Variants in RYR1 observed in about 807,000 individuals in gnomAD.
RYR1 encodes ryanodine receptor 1.
In RYR1, 342 loss-of-function variants were observed where a neutral mutation model predicts 583.5. The observed-to-expected ratio is 0.59, with a 90% CI of 0.54 to 0.64. The LOEUF (loss-of-function observed/expected upper bound fraction) is 0.64. Among genes scored for constraint, RYR1 ranks in the 30% least tolerant of loss-of-function variants. The probability of loss-of-function intolerance (pLI) is 0.00; values close to 1 mark genes in which losing one functional copy is unlikely to be tolerated. For missense variants in RYR1, 6,032 were observed against 6,917.2 expected (o/e 0.87, Z 4.54); for synonymous variants, 2,791 against 2,822.5 (o/e 0.99, Z 0.35).
intron 57 of RYR1, 88 bp from the exon 58 acceptor site, chr19:38,507,624 G>A (rs1970531734): frequency 5.8e-6 from 5 of 864,004 alleles, no homozygotes; most frequent in Non-Finnish European, 8.0e-6. Context: ...TAGAGACGGG[G>A]CCAGCAGGAG....
chr19:38,578,030 CG>C lies in RYR1; in HGVS notation c.14286del (p.Pro4763GlnfsTer4). 6.2e-7 allele frequency: 1 copy of C among 1,614,120 alleles called. No individual in the cohort carries two copies. The highest frequency in any genetic ancestry group is 8.5e-7 in the Non-Finnish European group (1 of 1,180,000). On this transcript the variant is annotated frameshift_variant, in exon 98 of 106. Transcript: ENST00000359596. LOFTEE classifies it high-confidence loss of function. The stretch of plus-strand genomic sequence containing the variant: ...CACAATGAGCGCAAGCCCAACCCGC[CG>C]CCAGGGCTGCTGACCTGGTGAGCCC... ...TAHNERKPNP[P>X]PGLLTWLMSI...
chr19:38,464,804 T>C (rs1273861201), intron 23 of RYR1, 82 bp downstream of exon 23: 31 of 1,287,918 alleles, frequency 2.4e-5, no homozygotes, highest in Non-Finnish European at 9.9e-6. Context: ...GGTCGAGGGG[T>C]CTTGTGGGGA....
At chr19:38,452,720 G>A (rs1351125205) in intron 12 of RYR1, 99 bp from the exon 13 acceptor site, 1 of 1,068,050 alleles carries the variant, frequency 9.4e-7, no homozygotes, top group Admixed American at 2.4e-5. Context: ...TCTGTAAAAC[G>A]GGTGGGTCTG....
chr19:38,458,190 G>C lies in RYR1; in HGVS notation c.2065G>C (p.Glu689Gln), dbSNP rs144845360. The change falls in exon 18 of 106, where the codon GAG (glutamate) becomes CAG (glutamine). Residue 689 changes from glutamate (E) to glutamine (Q), a missense_variant. Coordinates refer to ENST00000359596, the MANE Select transcript of RYR1 (RefSeq NM_000540.3). The stretch of plus-strand genomic sequence containing the variant: ...CTTGCGGGTGGGCTGGGCCCTCACC[G>C]AGGGCTACACCCCCTACCCTGGGGC... ...THLRVGWALT[E>Q]GYTPYPGAGE... 6.2e-7 allele frequency: 1 copy of C among 1,613,892 alleles called. No homozygotes were observed. Among genetic ancestry groups the C allele is most frequent in the Non-Finnish European group, 8.5e-7 (1 of 1,180,004 alleles).
chr19:38,488,552 A>G (rs1969403403), intron 34 of RYR1, among the ~76,000 whole-genome samples: 1 of 152,158 alleles, frequency 6.6e-6, no homozygotes, highest in African/African-American at 2.4e-5. Context: ...TGCAGGCTGG[A>G]GTGCAGTGGC....
At chr19:38,550,204 T>C (rs1701366212) in intron 89 of RYR1, among the ~76,000 whole-genome samples, 1 of 152,174 alleles carries the variant, frequency 6.6e-6, no homozygotes, top group South Asian at 2.1e-4. Context: ...GTTTCCCTTG[T>C]TGAATAAATT....
Position 38,529,865 on chromosome 19 carries a change from C to T in RYR1, c.11141+808C>T, listed in dbSNP as rs188608982. 3.4e-3 allele frequency among the ~76,000 whole-genome samples: 524 copies of T among 152,260 alleles called. 4 individuals are homozygous for T. Among genetic ancestry groups the T allele is most frequent in the Non-Finnish European group, 3.8e-3 (257 of 68,032 alleles). ...ATTATGTGTCAGGCACCAAGCTAAGCGGGGATATCTATATCCTCTCACTTA... is the reference window on the plus strand; with the variant it reads ...ATTATGTGTCAGGCACCAAGCTAAGTGGGGATATCTATATCCTCTCACTTA... On this transcript the variant is annotated intron_variant, in intron 76 of 105. Coordinates refer to ENST00000359596, the MANE Select transcript of RYR1 (RefSeq NM_000540.3).
In RYR1 at chr19:38,485,931, G is replaced by T; in HGVS notation, c.5276G>T (p.Arg1759Leu). ...AGGAGCACAGAAAATGGTCACCCCC[G>T]GCATGGCCTGCCGGGAGTTGGAGTC... is the stretch of plus-strand genomic sequence containing the variant. ...PGRSTENGHP[R>L]HGLPGVGVTT... Residue 1759 changes from arginine (R) to leucine (L), a missense_variant, in exon 34 of 106, where the codon CGG (arginine) becomes CTG (leucine). Physicochemically the swap from Arg to Leu is moderately radical, Grantham distance 102. Coordinates refer to ENST00000359596, the MANE Select transcript of RYR1 (RefSeq NM_000540.3). 2 of 1,613,702 alleles carry T rather than the reference G, an allele frequency of 1.2e-6. No homozygotes were observed. Among genetic ancestry groups the T allele is most frequent in the Non-Finnish European group, 1.7e-6 (2 of 1,179,980 alleles).
chr19:38,517,606 C>T lies in RYR1; in HGVS notation c.9933C>T (p.His3311=), dbSNP rs1051369734. The T allele has an allele frequency of 4.3e-6, 7 of 1,614,090 alleles. No homozygotes were observed. The African/African-American group carries it at 5.3e-5, about 12-fold the overall frequency. ...PPPCTAVTSD[H]LNSLLGNILR... is the part of the protein sequence containing the mutation. ...CCTGCACAGCTGTCACCTCTGACCA[C>T]CTCAACTCCCTGCTGGGGAATATCC... is the stretch of plus-strand genomic sequence containing the variant. Residue 3311 remains histidine (H), a synonymous_variant, in exon 66 of 106, where the codon CAC becomes CAT. Coordinates refer to ENST00000359596, the MANE Select transcript of RYR1 (RefSeq NM_000540.3).
At chr19:38,488,381 G>A (rs750299354) in intron 34 of RYR1, among the ~76,000 whole-genome samples, 10 of 151,612 alleles carry the variant, frequency 6.6e-5, no homozygotes, top group Admixed American at 1.3e-4. Context: ...ATTCCGACTC[G>A]GGATTCATCC....
chr19:38,528,227 A>T, intron 73 of RYR1, 79 bp from the exon 74 acceptor site: 1 of 1,196,038 alleles, frequency 8.4e-7, no homozygotes, highest in East Asian at 2.4e-5. Flanking sequence ...ACTTCGACAC[A>T]GCTGGGCAGT....
chr19:38,557,051 CTTTTTTTTTTTT>C (rs35027525), intron 89 of RYR1, among the ~76,000 whole-genome samples: 1 of 108,836 alleles, frequency 9.2e-6, no homozygotes, highest in African/African-American at 3.6e-5. Context: ...AGTCTCATTT[CTTTTTTTTTTTT>C]TTTTTTTTGT....
chr19:38,461,398 G>A (rs886087376), intron 20 of RYR1, among the ~76,000 whole-genome samples: 9 of 152,056 alleles, frequency 5.9e-5, no homozygotes, highest in African/African-American at 2.2e-4. Context: ...GAGAGGCAAA[G>A]GATTCTGTCA....
intron 96 of RYR1, among the ~76,000 whole-genome samples, chr19:38,573,629 G>A (rs1337764032): frequency 6.6e-6 from 1 of 151,162 alleles, no homozygotes; most frequent in African/African-American, 2.4e-5. Flanking sequence ...GCAGTGAGCC[G>A]AGATCGCACC....
At chr19:38,506,802 C>A (rs374093196) in intron 56 of RYR1, 27 bp from the exon 57 acceptor site, 43 of 1,613,894 alleles carry the variant, frequency 2.7e-5, no homozygotes, top group Non-Finnish European at 3.6e-5. Context: ...TCCCCAGAGC[C>A]CTGATTTCTG....
chr19:38,444,302 G>A lies in RYR1; in HGVS notation c.537+41G>A, dbSNP rs775690534. 1.3e-5 allele frequency: 18 copies of A among 1,426,640 alleles called. No individual in the cohort carries two copies. Among genetic ancestry groups the A allele is most frequent in the East Asian group, 4.6e-5 (2 of 43,298 alleles). 88.4% of individuals were successfully genotyped at this position (1,426,640 alleles called of 1,614,324 possible). A position where few individuals can be genotyped will look rare whatever the true frequency, so the allele number is the denominator to read the frequency against. On this transcript the variant is annotated intron_variant, in intron 6 of 105. Transcript: ENST00000359596. This position sits in a 1 kb window ranked among gnomAD's most constrained non-coding sequence, Gnocchi z 5.1. ...TCCTCCTGCTCCCAGGTCTGGGGGC[G>A]CATGGGATGGTCCCCATCTTCTCAC...
At chr19:38,502,833 G>C in intron 48 of RYR1, 47 bp from the exon 49 acceptor site, 2 of 1,579,944 alleles carry the variant, frequency 1.3e-6, no homozygotes, top group Non-Finnish European at 8.6e-7. Context: ...AGGGGCAGCA[G>C]AGCGGGCCTG....
Position 38,469,337 on chromosome 19 carries a change from C to T in RYR1, c.3589C>T (p.Gln1197Ter). 1 of 1,614,060 alleles carries T rather than the reference C, an allele frequency of 6.2e-7. No individual in the cohort carries two copies. Among genetic ancestry groups the T allele is most frequent in the Non-Finnish European group, 8.5e-7 (1 of 1,180,036 alleles). Reference protein sequence around the residue: ...FLPVCSLGPGQVGHLNLGQDV... With the variant: ...FLPVCSLGPG ...GCCCGTCTGCAGCTTGGGACCTGGCCAGGTGGGTCATCTGAACCTGGGCCA... is the reference window on the plus strand; with the variant it reads ...GCCCGTCTGCAGCTTGGGACCTGGCTAGGTGGGTCATCTGAACCTGGGCCA... The change falls in exon 27 of 106, where the codon CAG (glutamine) becomes TAG (stop). Residue 1197 changes from glutamine (Q) to a stop codon, truncating the protein, a stop_gained. Coordinates refer to ENST00000359596, the MANE Select transcript of RYR1 (RefSeq NM_000540.3). LOFTEE classifies it high-confidence loss of function.
intron 102 of RYR1, 87 bp downstream of exon 102, chr19:38,585,186 T>C: frequency 6.7e-7 from 1 of 1,483,080 alleles, no homozygotes; most frequent in East Asian, 2.4e-5. Flanking sequence ...TCGGCCTGCA[T>C]TCATACCCCA....
Sources: gnomAD v4.1 joint callset for allele counts (sites outside exome capture counted in the v4.1 genomes callset) on GRCh38, gnomAD v4.1.1 for gene constraint, Gnocchi (gnomAD v3.1) non-coding constraint, MANE v1.5 for transcripts, NCBI Gene and HGNC (gene_info 2026-07-23, HGNC 2026-07-21) for gene names.